IFT43: variants seen among roughly 807,000 people sequenced by gnomAD.
The protein encoded by IFT43 is intraflagellar transport protein 43 homolog.
In IFT43, 33 loss-of-function variants were observed where a neutral mutation model predicts 32.3. The ratio of observed to expected loss-of-function variants is 1.02; its 90% confidence interval spans 0.77 to 1.37. The LOEUF (loss-of-function observed/expected upper bound fraction) is 1.37. IFT43 is among the 40% of genes most tolerant of loss of function. IFT43 has a pLI of 0.00. For synonymous variants in IFT43, 93 were observed against 98.2 expected, an observed-to-expected ratio of 0.95 and a Z score of 0.31; for missense variants, 274 against 265.9, an observed-to-expected ratio of 1.03 and a Z score of -0.21.
At chr14:76,059,410 G>A in intron 5 of IFT43, 37 bp downstream of exon 5, 1 of 1,596,704 alleles carries the variant, frequency 6.3e-7, no homozygotes, top group Non-Finnish European at 8.6e-7. Context: ...AGGTCTTCTA[G>A]AGAGGCCCCA....
At chr14:76,002,697 GGA>G (rs2035911989) in intron 2 of IFT43, among the ~76,000 whole-genome samples, 1 of 152,228 alleles carries the variant, frequency 6.6e-6, no homozygotes, top group African/African-American at 2.4e-5. Flanking sequence ...CAGGAATGAA[GGA>G]GAGAGGTGGT....
chr14:76,011,035 TG>T (rs745876958), intron 2 of IFT43, among the ~76,000 whole-genome samples: 35 of 151,880 alleles, frequency 2.3e-4, no homozygotes, highest in Non-Finnish European at 4.4e-4. Context: ...CCTGAGTAGC[TG>T]GTATTATAGC....
chr14:76,070,572 A>G (rs896851107), intron 5 of IFT43, among the ~76,000 whole-genome samples: 2 of 152,140 alleles, frequency 1.3e-5, no homozygotes, highest in Admixed American at 6.6e-5. Flanking sequence ...CAATGATCGT[A>G]ACTACTTGAT....
rs1044572931 is a variant in IFT43, at chr14:76,022,206, G to A, written c.148-121G>A. 3.4e-5 allele frequency: 27 copies of A among 803,786 alleles called. 1 individual carries two copies. The highest frequency in any genetic ancestry group is 1.6e-4 in the Admixed American group (8 of 51,010). The allele number at this position is 803,786 out of a possible 1,614,324, so 49.8% of individuals were successfully genotyped here. Reference sequence around the variant, plus strand: ...GCGGAGGTTCCAGTGAGCTGAGGTCGCACCACTGCACTCCAGCCTGGGTGA... The same window carrying A: ...GCGGAGGTTCCAGTGAGCTGAGGTCACACCACTGCACTCCAGCCTGGGTGA... On this transcript the variant is annotated intron_variant, in intron 2 of 8. Coordinates refer to ENST00000314067, the MANE Select transcript of IFT43 (RefSeq NM_001102564.3).
At chr14:76,053,225 G>A (rs2036948622) in intron 3 of IFT43, among the ~76,000 whole-genome samples, 1 of 152,136 alleles carries the variant, frequency 6.6e-6, no homozygotes, top group Admixed American at 6.5e-5. Context: ...AACAAACTCA[G>A]TAAATGTTGA....
intron 3 of IFT43, among the ~76,000 whole-genome samples, chr14:76,034,026 G>T (rs2139990011): frequency 6.6e-6 from 1 of 152,288 alleles, no homozygotes; most frequent in Admixed American, 6.5e-5. Flanking sequence ...GAGAGTGATA[G>T]TAACTTTATT....
chr14:76,050,905 A>C (rs2036901749), intron 3 of IFT43, among the ~76,000 whole-genome samples: 1 of 152,048 alleles, frequency 6.6e-6, no homozygotes, highest in Non-Finnish European at 1.5e-5. Flanking sequence ...AACTGTAGCT[A>C]CTCAAAGCGT....
intron 5 of IFT43, among the ~76,000 whole-genome samples, chr14:76,073,404 A>G (rs544463446): frequency 6.6e-6 from 1 of 152,194 alleles, no homozygotes; most frequent in Non-Finnish European, 1.5e-5. Context: ...ACACATGGAG[A>G]TAAGTTTCTA....
At chr14:75,989,561 T>C (rs959128726) in intron 2 of IFT43, among the ~76,000 whole-genome samples, 4 of 152,146 alleles carry the variant, frequency 2.6e-5, no homozygotes, top group African/African-American at 9.7e-5. Flanking sequence ...CTCTGTCCAT[T>C]TGAAAAAACT....
At chr14:76,030,214 A>G (rs2036482419) in intron 3 of IFT43, among the ~76,000 whole-genome samples, 1 of 151,420 alleles carries the variant, frequency 6.6e-6, no homozygotes, top group African/African-American at 2.4e-5. Context: ...ATTGTGTTAT[A>G]ATTCATTTCC....
intron 3 of IFT43, among the ~76,000 whole-genome samples, chr14:76,048,359 A>T (rs2036848929): frequency 6.6e-6 from 1 of 152,190 alleles, no homozygotes; most frequent in South Asian, 2.1e-4. Flanking sequence ...GCTAAGGGGG[A>T]CCTGCTGCTT....
At chr14:76,062,754 A>G (rs1483778567) in intron 5 of IFT43, among the ~76,000 whole-genome samples, 1 of 151,706 alleles carries the variant, frequency 6.6e-6, no homozygotes, top group Non-Finnish European at 1.5e-5. Context: ...CATCTCTTAT[A>G]AAAATACAAA....
intron 3 of IFT43, among the ~76,000 whole-genome samples, chr14:76,046,836 C>T (rs2140021699): frequency 6.6e-6 from 1 of 152,254 alleles, no homozygotes; most frequent in South Asian, 2.1e-4. Context: ...TTGTTCTGAA[C>T]CTGTAGCCAA....
chr14:76,033,046 C>T (rs545624733), intron 3 of IFT43, among the ~76,000 whole-genome samples: 20 of 152,254 alleles, frequency 1.3e-4, no homozygotes, highest in Admixed American at 6.5e-4. Context: ...AAGAGATGCA[C>T]TTTGAGTCAT....
chr14:76,035,356 C>G, intron 3 of IFT43, among the ~76,000 whole-genome samples: 1 of 152,202 alleles, frequency 6.6e-6, no homozygotes, highest in East Asian at 1.9e-4. Flanking sequence ...GTGCCAGCCA[C>G]TTCCACACCA....
intron 2 of IFT43, among the ~76,000 whole-genome samples, chr14:75,997,838 CCCT>C (rs1363495590): frequency 6.6e-6 from 1 of 152,182 alleles, no homozygotes; most frequent in East Asian, 1.9e-4. Flanking sequence ...CATAACTGGT[CCCT>C]CCTCTTATAT....
intron 2 of IFT43, among the ~76,000 whole-genome samples, chr14:76,012,036 G>A (rs1312920617): frequency 6.6e-6 from 1 of 152,234 alleles, no homozygotes; most frequent in Non-Finnish European, 1.5e-5. Flanking sequence ...GAATGTGGGA[G>A]CTGCATTGCC....
intron 2 of IFT43, among the ~76,000 whole-genome samples, chr14:76,020,131 C>T (rs1266084766): frequency 3.3e-5 from 5 of 152,048 alleles, no homozygotes; most frequent in African/African-American, 4.8e-5. Flanking sequence ...TGCGCCACCA[C>T]GCCCAGCTAA....
chr14:76,082,706 C>T lies in IFT43; in HGVS notation c.444+14C>T, dbSNP rs547074127. On this transcript the variant is annotated intron_variant, in intron 7 of 8. Coordinates refer to ENST00000314067, the MANE Select transcript of IFT43 (RefSeq NM_001102564.3). ...ATTCAGACACTGGTGAGTGGAACAG[C>T]TTCTGCATAGAGAGGCGGGCTCCAA... is the stretch of plus-strand genomic sequence containing the variant. The T allele has an allele frequency of 5.8e-6, 9 of 1,552,728 alleles. No homozygotes were observed. The highest frequency in any genetic ancestry group is 3.3e-5 in the Admixed American group (2 of 59,956).
Sources: gnomAD v4.1 joint callset for allele counts (sites outside exome capture counted in the v4.1 genomes callset) on GRCh38, gnomAD v4.1.1 for gene constraint, MANE v1.5 for transcripts, NCBI Gene and HGNC (gene_info 2026-07-23, HGNC 2026-07-21) for gene names.